The following MCPH1 variants were observed in gnomAD, a reference collection of about 807,000 sequenced individuals.
MCPH1 encodes microcephalin.
Under a neutral mutation model 84.5 loss-of-function variants are expected in MCPH1, and 104 were observed. The observed-to-expected ratio is 1.23, with a 90% CI of 1.05 to 1.45. The LOEUF (loss-of-function observed/expected upper bound fraction) is 1.45, where lower values mean the gene tolerates loss of function less well. Among genes scored for constraint, MCPH1 ranks in the 40% most tolerant of loss-of-function variants. The pLI, the probability that MCPH1 is intolerant of heterozygous loss-of-function variation, is 0.00. For missense variants in MCPH1, 1,498 were observed against 1,005.7 expected, an observed-to-expected ratio of 1.49 and a Z score of -6.62; for synonymous variants, 514 against 366.8, an observed-to-expected ratio of 1.40 and a Z score of -4.58.
chr8:6,565,213 T>G (rs1586652667), intron 12 of MCPH1, among the ~76,000 whole-genome samples: 1 of 152,220 alleles, frequency 6.6e-6, no homozygotes, highest in African/African-American at 2.4e-5. Context: ...TTTTTAGGAT[T>G]AAGATATAAT....
At chr8:6,469,283 A>G (rs1005119975) in intron 9 of MCPH1, among the ~76,000 whole-genome samples, 6 of 152,212 alleles carry the variant, frequency 3.9e-5, no homozygotes, top group African/African-American at 1.2e-4. Context: ...GAATATCAAC[A>G]TTATTATATT....
intron 12 of MCPH1, among the ~76,000 whole-genome samples, chr8:6,513,178 T>A (rs188391072): frequency 9.2e-5 from 14 of 152,368 alleles, no homozygotes; most frequent in African/African-American, 3.4e-4. Flanking sequence ...ACTGTTTGTA[T>A]GAAGTTTCTT....
At chr8:6,475,626 G>T (rs899117919) in intron 9 of MCPH1, among the ~76,000 whole-genome samples, 1 of 152,314 alleles carries the variant, frequency 6.6e-6, no homozygotes, top group South Asian at 2.1e-4. Context: ...AGTCGGGAGG[G>T]CAATGCTCTA....
intron 4 of MCPH1, among the ~76,000 whole-genome samples, chr8:6,433,498 T>G (rs1802149174): frequency 1.3e-5 from 2 of 151,882 alleles, no homozygotes; most frequent in South Asian, 4.2e-4. Context: ...CCCAACCTGG[T>G]GGTGCACACC....
At chr8:6,533,747 G>C (rs1389493620) in intron 12 of MCPH1, among the ~76,000 whole-genome samples, 1 of 151,994 alleles carries the variant, frequency 6.6e-6, no homozygotes, top group Non-Finnish European at 1.5e-5. Flanking sequence ...TGGTTCTGGT[G>C]CCCTCCTTTA....
At chr8:6,412,109 C>G (rs1402936126) in intron 2 of MCPH1, among the ~76,000 whole-genome samples, 1 of 152,130 alleles carries the variant, frequency 6.6e-6, no homozygotes, top group Non-Finnish European at 1.5e-5. Flanking sequence ...ACCCTAAGAG[C>G]CTTGTTTGAC....
chr8:6,431,697 A>G (rs1017786194), intron 4 of MCPH1, 111 bp downstream of exon 4: 2 of 701,126 alleles, frequency 2.9e-6, no homozygotes, highest in Admixed American at 5.2e-5. Context: ...TGTCTTAAAT[A>G]TGCTATTGAT....
At chr8:6,449,725 T>C (rs1022967785) in intron 8 of MCPH1, among the ~76,000 whole-genome samples, 1 of 152,180 alleles carries the variant, frequency 6.6e-6, no homozygotes, top group Non-Finnish European at 1.5e-5. Context: ...AGGAAGTATG[T>C]CCACAGCCAG....
chr8:6,423,636 A>C (rs914583316), intron 3 of MCPH1, among the ~76,000 whole-genome samples: 6 of 152,164 alleles, frequency 3.9e-5, no homozygotes, highest in Non-Finnish European at 5.9e-5. Context: ...TTCAATTAGA[A>C]ATATTACAGC....
Position 6,421,769 on chromosome 8 carries a change from G to C in MCPH1, c.233+6886G>C, listed in dbSNP as rs535731400. On this transcript the variant is annotated intron_variant, in intron 3 of 13. Coordinates refer to ENST00000344683, the MANE Select transcript of MCPH1 (RefSeq NM_024596.5). ...ACTTTCCCCTTTACAGAAGTTTGCT[G>C]ACCCAGGTCCAGTGTGCTGCATGAT... is the stretch of plus-strand genomic sequence containing the variant. Among the ~76,000 whole-genome samples, 38 of 152,190 alleles carry C rather than the reference G, an allele frequency of 2.5e-4. No homozygotes were observed. The South Asian group carries it at 7.5e-3, about 30-fold the overall frequency.
At chr8:6,540,881 G>T (rs889718274) in intron 12 of MCPH1, among the ~76,000 whole-genome samples, 1 of 152,250 alleles carries the variant, frequency 6.6e-6, no homozygotes, top group African/African-American at 2.4e-5. Context: ...GCGCTGGCTG[G>T]TAAGAAGCCC....
intron 9 of MCPH1, chr8:6,474,360 A>G: frequency 2.5e-6 from 1 of 394,490 alleles, no homozygotes; most frequent in Non-Finnish European, 4.7e-6. Flanking sequence ...CCAAGTCAGA[A>G]CAAAGTGACA....
intron 10 of MCPH1, among the ~76,000 whole-genome samples, chr8:6,479,181 C>T (rs1254113279): frequency 2.0e-5 from 3 of 152,126 alleles, no homozygotes; most frequent in African/African-American, 4.8e-5. Context: ...GCAGGAGGAT[C>T]ACTTGAGCCC....
intron 12 of MCPH1, among the ~76,000 whole-genome samples, chr8:6,553,335 G>C (rs1037110264): frequency 1.3e-5 from 2 of 152,098 alleles, no homozygotes; most frequent in African/African-American, 4.8e-5. Flanking sequence ...ACAACAAAAT[G>C]TTATTGTGTA....
At chr8:6,593,101 T>TA (rs1828643935) in intron 12 of MCPH1, among the ~76,000 whole-genome samples, 2 of 150,236 alleles carry the variant, frequency 1.3e-5, no homozygotes, top group Admixed American at 1.3e-4. Flanking sequence ...TTTTTTTTTT[T>TA]AGACAGAGTT....
At chr8:6,570,377 T>C (rs1286156095) in intron 12 of MCPH1, among the ~76,000 whole-genome samples, 2 of 152,218 alleles carry the variant, frequency 1.3e-5, no homozygotes, top group Non-Finnish European at 2.9e-5. Context: ...AATGTATATT[T>C]TGTTAAAAAT....
intron 12 of MCPH1, among the ~76,000 whole-genome samples, chr8:6,509,875 T>G (rs994431466): frequency 6.6e-6 from 1 of 152,214 alleles, no homozygotes; most frequent in Non-Finnish European, 1.5e-5. Context: ...TTGTTCACCC[T>G]GGGGATCACA....
At chr8:6,568,266 G>C (rs546151080) in intron 12 of MCPH1, among the ~76,000 whole-genome samples, 4 of 138,578 alleles carry the variant, frequency 2.9e-5, no homozygotes, top group South Asian at 4.3e-4. Flanking sequence ...TGTGGAATGT[G>C]GACCCATCGC....
At position 6,446,929 on chromosome 8, in the gene MCPH1, G is replaced by A. The variant is rs140986983; in HGVS notation, c.1825+1382G>A. On this transcript the variant is annotated intron_variant, in intron 8 of 13. Coordinates refer to ENST00000344683, the MANE Select transcript of MCPH1 (RefSeq NM_024596.5). ...TTGGGGGTAAGTAGAAGGGGGTGAG[G>A]GGCCAGCACTAGTTGACTCAAGGCA... 2.7e-4 allele frequency: 266 copies of A among 985,324 alleles called. No homozygotes were observed. In the African/African-American group the frequency reaches 4.3e-3, roughly 16 times the overall value. 61.0% of individuals were successfully genotyped at this position (985,324 alleles called of 1,614,324 possible). A position where few individuals can be genotyped will look rare whatever the true frequency, so the allele number is the denominator to read the frequency against.
Sources: gnomAD v4.1 joint callset for allele counts (sites outside exome capture counted in the v4.1 genomes callset) on GRCh38, gnomAD v4.1.1 for gene constraint, MANE v1.5 for transcripts, NCBI Gene and HGNC (gene_info 2026-07-23, HGNC 2026-07-21) for gene names.